PPL: variants seen among roughly 807,000 people sequenced by gnomAD.
The protein encoded by PPL is 190 kDa paraneoplastic pemphigus antigen.
Under a neutral mutation model 194.4 loss-of-function variants are expected in PPL, and 198 were observed. The observed-to-expected ratio is 1.02, with a 90% CI of 0.91 to 1.15. The LOEUF is 1.15. Among genes scored for constraint, PPL ranks in the 50% most tolerant of loss-of-function variants. The pLI is 0.00. For synonymous variants in PPL, 1,220 were observed against 972.4 expected (o/e 1.25, Z -4.74); for missense variants, 2,885 against 2,294.8 (o/e 1.26, Z -5.25).
chr16:4,900,434 C>CCTTTTTTTTTTTTTTTT (rs1457527716), intron 6 of PPL, among the ~76,000 whole-genome samples: 1 of 61,678 alleles, frequency 1.6e-5, no homozygotes, highest in Non-Finnish European at 3.1e-5. Context: ...TACTGCACGC[C>CCTTTTTTTTTTTTTTTT]TTTTTTTTTT....
chr16:4,884,474 CGCTGCAGCCGCCGCA>C lies in PPL; in HGVS notation c.4166_4180del (p.Leu1389_Gln1393del). On this transcript the variant is annotated inframe_deletion, in exon 22 of 22. Coordinates refer to ENST00000345988, the MANE Select transcript of PPL (RefSeq NM_002705.5). The surrounding 1 kb of genome is among the most constrained non-coding windows in gnomAD (Gnocchi z 5.7). ...CTGCCGCTCAAGCTCGGTGCGCCGG[CGCTGCAGCCGCCGCA>C]GCTCTGCCCGCAGCTTGTCAATCTG... The C allele has an allele frequency of 6.2e-7, 1 of 1,603,100 alleles. No individual in the cohort carries two copies. The highest frequency in any genetic ancestry group is 1.1e-5 in the South Asian group (1 of 90,612).
intron 1 of PPL, among the ~76,000 whole-genome samples, chr16:4,914,325 G>A (rs1053305955): frequency 6.6e-6 from 1 of 152,158 alleles, no homozygotes; most frequent in Non-Finnish European, 1.5e-5. Context: ...CCAGAGCTGG[G>A]CCCAGGAAGC....
chr16:4,916,473 A>C (rs944323304), intron 1 of PPL, among the ~76,000 whole-genome samples: 1 of 148,426 alleles, frequency 6.7e-6, no homozygotes, highest in African/African-American at 2.5e-5. Flanking sequence ...TGGCCTCCCA[A>C]AGTGCTGGGA....
intron 1 of PPL, among the ~76,000 whole-genome samples, chr16:4,919,965 T>C (rs548966484): frequency 9.9e-5 from 15 of 150,982 alleles, no homozygotes; most frequent in Middle Eastern, 3.4e-3. Context: ...ATTTGTGGGG[T>C]GGGGGTAATC....
At position 4,898,619 on chromosome 16, in the gene PPL, C is replaced by T. The variant is rs150674136; in HGVS notation, c.876+394G>A. Reference sequence around the variant, plus strand: ...AGGGCTGTTGGCAACCCCCAGAAGCCGGAAGAGCAAGGAAGGCACATGTCC... The same window carrying T: ...AGGGCTGTTGGCAACCCCCAGAAGCTGGAAGAGCAAGGAAGGCACATGTCC... On this transcript the variant is annotated intron_variant, in intron 8 of 21. Coordinates refer to ENST00000345988, the MANE Select transcript of PPL (RefSeq NM_002705.5). 6.0e-3 allele frequency among the ~76,000 whole-genome samples: 918 copies of T among 152,180 alleles called. 10 individuals carry two copies. Among genetic ancestry groups the T allele is most frequent in the African/African-American group, 0.021 (880 of 41,518 alleles).
chr16:4,936,496 A>G (rs962105045), intron 1 of PPL, among the ~76,000 whole-genome samples: 1 of 151,868 alleles, frequency 6.6e-6, no homozygotes, highest in Admixed American at 6.5e-5. Context: ...GGCGCTGGAG[A>G]GCGCCCCCCG....
intron 2 of PPL, among the ~76,000 whole-genome samples, chr16:4,907,079 TAAAA>T (rs57847738): frequency 5.2e-5 from 4 of 77,004 alleles, no homozygotes; most frequent in Admixed American, 1.9e-4. Context: ...ACCCTATCTC[TAAAA>T]AAAAAAAAAA....
chr16:4,893,405 A>G (rs1314456271), intron 13 of PPL, 35 bp from the exon 14 acceptor site: 5 of 1,600,158 alleles, frequency 3.1e-6, no homozygotes, highest in Non-Finnish European at 4.2e-6. Flanking sequence ...CAGGTGTGAC[A>G]ACGGGCCAGG....
chr16:4,915,987 C>A (rs2088909223), intron 1 of PPL, among the ~76,000 whole-genome samples: 1 of 152,250 alleles, frequency 6.6e-6, no homozygotes, highest in African/African-American at 2.4e-5. Context: ...ATGCCAAGAG[C>A]CCAAAACCAC....
At chr16:4,922,537 C>T (rs1400518229) in intron 1 of PPL, among the ~76,000 whole-genome samples, 1 of 152,148 alleles carries the variant, frequency 6.6e-6, no homozygotes, top group African/African-American at 2.4e-5. Context: ...TGGTGGGCAC[C>T]TATAATCCTA....
In PPL at chr16:4,892,152, T is replaced by C. The variant is rs942814003; in HGVS notation, c.1712A>G (p.Glu571Gly). ...PEKTRSTAEG[E>G]AFIQALPGSG... ...GCCTGGGAGGGCCTGGATGAAGGCT[T>C]CGCCCTCAGCCGTGCTCCGCGTCTT... The change falls in exon 15 of 22, where the codon GAA becomes GGA. Residue 571 changes from glutamate to glycine, a missense_variant. By Grantham distance (98) the Glu-to-Gly change is moderately conservative. Coordinates refer to ENST00000345988, the MANE Select transcript of PPL (RefSeq NM_002705.5). The C allele has an allele frequency of 5.0e-6, 8 of 1,613,726 alleles. No homozygotes were observed. The African/African-American group carries it at 9.3e-5, about 19-fold the overall frequency.
At chr16:4,896,580 G>C (rs1013607424) in intron 9 of PPL, among the ~76,000 whole-genome samples, 2 of 151,962 alleles carry the variant, frequency 1.3e-5, no homozygotes, top group Non-Finnish European at 2.9e-5. Flanking sequence ...GAAGACCAAA[G>C]GTGACCTGGG....
At position 4,936,969 on chromosome 16, in the gene PPL, T is replaced by G; in HGVS notation, c.62+15A>C. On this transcript the variant is annotated intron_variant, in intron 1 of 21. Transcript: ENST00000345988. ...GCAAGAGCGTCCCGGAGCGGAGCTG[T>G]GGGCGCCTCCTCACCTCCGGGTCTG... 1 of 1,585,314 alleles carries G rather than the reference T, an allele frequency of 6.3e-7. No individual in the cohort carries two copies. Among genetic ancestry groups the G allele is most frequent in the Non-Finnish European group, 8.6e-7 (1 of 1,166,240 alleles).
At chr16:4,906,170 C>T (rs1018750964) in intron 2 of PPL, among the ~76,000 whole-genome samples, 26 of 152,076 alleles carry the variant, frequency 1.7e-4, no homozygotes, top group African/African-American at 5.1e-4. Flanking sequence ...TAGGCTGGCC[C>T]GTTAATTACA....
rs1171009326 is a variant in PPL at position 4,902,027 on chromosome 16, T to C, written c.438+379A>G. On this transcript the variant is annotated intron_variant, in intron 4 of 21. Coordinates refer to ENST00000345988, the MANE Select transcript of PPL (RefSeq NM_002705.5). This position sits in a 1 kb window ranked among gnomAD's most constrained non-coding sequence, Gnocchi z 4.0. ...ACCCGGGACACCTAGCTGCAGTGGC[T>C]GTGTGCTTCTCTGTGGTGAGCACCC... Among the ~76,000 whole-genome samples the C allele has an allele frequency of 1.3e-5, 2 of 152,200 alleles. No individual in the cohort carries two copies. The highest frequency in any genetic ancestry group is 2.9e-5 in the Non-Finnish European group (2 of 68,038).
At position 4,888,123 on chromosome 16, in the gene PPL, A is replaced by G; in HGVS notation, c.2493T>C (p.Pro831=). 6.2e-7 allele frequency: 1 copy of G among 1,613,616 alleles called. No individual in the cohort carries two copies. The highest frequency in any genetic ancestry group is 8.5e-7 in the Non-Finnish European group (1 of 1,179,506). ...TCACCTCTTCCTTCACTTTGGTGGCAGGAGATTGGAGCCTGGCTCTCTTGC... is the reference window on the plus strand; with the variant it reads ...TCACCTCTTCCTTCACTTTGGTGGCGGGAGATTGGAGCCTGGCTCTCTTGC... The part of the protein sequence containing the change: ...HVSKRARLQS[P]ATKVKEEEAA... The change falls in exon 20 of 22, where the codon CCT becomes CCC. Residue 831 remains proline (P), a synonymous_variant. Transcript: ENST00000345988.
intron 6 of PPL, among the ~76,000 whole-genome samples, 192 bp from the exon 7 acceptor site, chr16:4,899,576 CTCATTCAT>C (rs71139663): frequency 5.9e-5 from 9 of 151,358 alleles, no homozygotes; most frequent in African/African-American, 1.5e-4. Flanking sequence ...ACCCCTGAAA[CTCATTCAT>C]TCATTCATTC....
At chr16:4,917,024 C>T (rs1226247225) in intron 1 of PPL, among the ~76,000 whole-genome samples, 2 of 151,894 alleles carry the variant, frequency 1.3e-5, no homozygotes, top group African/African-American at 2.4e-5. Flanking sequence ...CCCATCTATT[C>T]GGGAAGCTGA....
intron 1 of PPL, among the ~76,000 whole-genome samples, chr16:4,930,567 A>C (rs868372147): frequency 6.6e-6 from 1 of 152,154 alleles, no homozygotes; most frequent in Admixed American, 6.5e-5. Context: ...CGCGTGTAGC[A>C]CCAGTGTCTG....
Sources: allele counts gnomAD v4.1 joint callset (sites outside exome capture counted in the v4.1 genomes callset), GRCh38; gene constraint gnomAD v4.1.1; non-coding constraint Gnocchi (gnomAD v3.1); transcripts MANE v1.5; gene names NCBI Gene and HGNC (gene_info 2026-07-23, HGNC 2026-07-21).